The following PHACTR2 variants were observed in gnomAD, a reference collection of about 807,000 sequenced individuals.
PHACTR2 encodes the protein phosphatase and actin regulator 2.
A neutral mutation model predicts 76.0 loss-of-function variants in PHACTR2; 30 were observed. The ratio of observed to expected loss-of-function variants is 0.39; its 90% CI spans 0.30 to 0.54. PHACTR2 has a LOEUF of 0.54. Among genes scored for constraint, PHACTR2 ranks in the 20% least tolerant of loss-of-function variants. The pLI, the probability that PHACTR2 is intolerant of heterozygous loss-of-function variation, is 0.61. For missense variants in PHACTR2, 696 were observed against 781.1 expected, an observed-to-expected ratio of 0.89 and a Z score of 1.30; for synonymous variants, 292 against 292.5, an observed-to-expected ratio of 1.00 and a Z score of 0.02.
rs967544600 is a variant in PHACTR2, at chr6:143,671,947, CAT to C, written c.14-40066_14-40065del. Among the ~76,000 whole-genome samples the C allele has an allele frequency of 1.3e-5, 2 of 150,950 alleles. No individual in the cohort carries two copies. The highest frequency in any genetic ancestry group is 4.8e-5 in the African/African-American group (2 of 41,332). On this transcript the variant is annotated intron_variant, in intron 1 of 11. Transcript: ENST00000305766. The surrounding 1 kb of genome is among the most constrained non-coding windows in gnomAD (Gnocchi z 4.6). ...GAGCAACATGGATGAATATCAAAAA[CAT>C]ATGAAACAAGCCAGATTAAAAAAAA...
Position 143,617,687 on chromosome 6 carries a change from ATC to A in PHACTR2, c.13+9367_13+9368del, listed in dbSNP as rs1776078730. ...AGCTGAGATTTTGTGCTTGGGAATTATCTGCTTCCAGGTGAGATGTGAGGCTG... is the reference window on the plus strand; with the variant it reads ...AGCTGAGATTTTGTGCTTGGGAATTATGCTTCCAGGTGAGATGTGAGGCTG... On this transcript the variant is annotated intron_variant, in intron 1 of 11. Coordinates refer to the PHACTR2 transcript ENST00000305766. This position sits in a 1 kb window ranked among gnomAD's most constrained non-coding sequence, Gnocchi z 4.8. Among the ~76,000 whole-genome samples the A allele has an allele frequency of 6.6e-6, 1 of 152,156 alleles. No individual in the cohort carries two copies. The highest frequency in any genetic ancestry group is 1.5e-5 in the Non-Finnish European group (1 of 68,024).
In PHACTR2 at chr6:143,589,856, A is replaced by G. The variant is rs936451256; in HGVS notation, c.217+52649A>G. ...TATAGAAGATGACGATACACATCCC[A>G]GCTCATTCTAGAACCAGGCAAGGAT... On this transcript the variant is annotated intron_variant, in intron 1 of 11. Transcript: ENST00000367584. The surrounding 1 kb of genome is among the most constrained non-coding windows in gnomAD (Gnocchi z 4.4). Among the ~76,000 whole-genome samples, 1 of 152,248 alleles carries G rather than the reference A, an allele frequency of 6.6e-6. No homozygotes were observed. Among genetic ancestry groups the G allele is most frequent in the Admixed American group, 6.5e-5 (1 of 15,280 alleles).
chr6:143,794,562 G>A lies in PHACTR2; in HGVS notation c.1845+5652G>A, dbSNP rs1477921074. On this transcript the variant is annotated intron_variant, in intron 11 of 12. Coordinates refer to ENST00000440869, the MANE Select transcript of PHACTR2 (RefSeq NM_001100164.2). This position sits in a 1 kb window ranked among gnomAD's most constrained non-coding sequence, Gnocchi z 4.1. The stretch of plus-strand genomic sequence containing the variant: ...TAATCCAAGTGCTTTGAGAGGGTGA[G>A]TTGGGTGGATCACTTGAGGTCAGGA... 6.6e-6 allele frequency among the ~76,000 whole-genome samples: 1 copy of A among 152,126 alleles called. No individual in the cohort carries two copies. The highest frequency in any genetic ancestry group is 1.5e-5 in the Non-Finnish European group (1 of 68,014).
chr6:143,721,568 AT>A (rs898867870), intron 2 of PHACTR2, among the ~76,000 whole-genome samples: 2 of 152,008 alleles, frequency 1.3e-5, no homozygotes, highest in African/African-American at 4.8e-5. Flanking sequence ...CCCAGCTCTA[AT>A]TGTTGAGGAG....
chr6:143,766,875 C>T (rs781344089), intron 6 of PHACTR2, among the ~76,000 whole-genome samples: 11 of 152,330 alleles, frequency 7.2e-5, no homozygotes, highest in Middle Eastern at 3.4e-3. Context: ...GTATAGTAGA[C>T]GCAATGATAA....
intron 1 of PHACTR2, among the ~76,000 whole-genome samples, chr6:143,569,484 C>T (rs1775414439): frequency 6.6e-6 from 1 of 152,220 alleles, no homozygotes; most frequent in Admixed American, 6.5e-5. Flanking sequence ...ATTCTGACTA[C>T]ACATTCCATC....
At chr6:143,575,134 C>A (rs1775490648) in intron 1 of PHACTR2, among the ~76,000 whole-genome samples, 1 of 140,610 alleles carries the variant, frequency 7.1e-6, no homozygotes, top group Non-Finnish European at 1.6e-5. Context: ...CAGTTATTTT[C>A]TTGCATATAT....
chr6:143,718,481 G>T (rs1778352541), intron 2 of PHACTR2, among the ~76,000 whole-genome samples: 1 of 152,188 alleles, frequency 6.6e-6, no homozygotes, highest in Non-Finnish European at 1.5e-5. Context: ...ATCTCTAAAA[G>T]GTGTCTTCCT....
At position 143,710,748 on chromosome 6, in the gene PHACTR2, C is replaced by T. The variant is rs554574084; in HGVS notation, c.47-1268C>T. On this transcript the variant is annotated intron_variant, in intron 1 of 12. Transcript: ENST00000440869. The surrounding 1 kb of genome is among the most constrained non-coding windows in gnomAD (Gnocchi z 4.9). The stretch of plus-strand genomic sequence containing the variant: ...CTTCTTGGAAGCAGAAGTCCTTGCT[C>T]TTCAATTTTTGTTTTTATTTGTTTT... Among the ~76,000 whole-genome samples, 59 of 152,278 alleles carry T rather than the reference C, an allele frequency of 3.9e-4. 1 individual carries two copies. Among genetic ancestry groups the T allele is most frequent in the African/African-American group, 1.3e-3 (54 of 41,550 alleles).
chr6:143,685,823 T>G (rs1777504022), intron 1 of PHACTR2, among the ~76,000 whole-genome samples: 1 of 151,956 alleles, frequency 6.6e-6, no homozygotes, highest in Non-Finnish European at 1.5e-5. Flanking sequence ...TTTGGCAATA[T>G]ATATTAAGTC....
At chr6:143,797,082 A>C (rs1775844346) in intron 11 of PHACTR2, among the ~76,000 whole-genome samples, 1 of 152,204 alleles carries the variant, frequency 6.6e-6, no homozygotes, top group Admixed American at 6.5e-5. Flanking sequence ...TTGTTTCCTG[A>C]CTTTTGAATG....
In PHACTR2 at chr6:143,625,887, A is replaced by T. The variant is rs1426202577; in HGVS notation, c.13+17565A>T. On this transcript the variant is annotated intron_variant, in intron 1 of 11. Coordinates refer to the PHACTR2 transcript ENST00000305766. This position sits in a 1 kb window ranked among gnomAD's most constrained non-coding sequence, Gnocchi z 4.3. ...TGGTAAGAACCATGAAGAAAGGTAA[A>T]GCAGAGTGGTGGGGCAGGGACAACT... Among the ~76,000 whole-genome samples the T allele has an allele frequency of 6.6e-6, 1 of 152,192 alleles. No homozygotes were observed. Among genetic ancestry groups the T allele is most frequent in the African/African-American group, 2.4e-5 (1 of 41,432 alleles).
chr6:143,544,274 G>T (rs755669467), intron 1 of PHACTR2, among the ~76,000 whole-genome samples: 1 of 138,088 alleles, frequency 7.2e-6, no homozygotes, highest in African/African-American at 3.5e-5. Context: ...AGGCGGGCAG[G>T]CTCCCATATC....
chr6:143,802,319 CTCTT>C (rs1775976257), intron 11 of PHACTR2, among the ~76,000 whole-genome samples: 2 of 152,062 alleles, frequency 1.3e-5, no homozygotes, highest in South Asian at 2.1e-4. Context: ...CTCAGCCCAG[CTCTT>C]TCTATCTCAT....
chr6:143,580,977 A>G lies in PHACTR2; in HGVS notation c.217+43770A>G, dbSNP rs768078457. ...TTTCTGGCAACACAGCAGACCAGAT[A>G]TCCTATAAAAGTCTTCCATTACAGA... On this transcript the variant is annotated intron_variant, in intron 1 of 11. Coordinates refer to the PHACTR2 transcript ENST00000367584. The surrounding 1 kb of genome is among the most constrained non-coding windows in gnomAD (Gnocchi z 4.2). Among the ~76,000 whole-genome samples the G allele has an allele frequency of 1.2e-4, 19 of 152,330 alleles. No individual in the cohort carries two copies. The highest frequency in any genetic ancestry group is 4.6e-4 in the Admixed American group (7 of 15,304).
At position 143,801,833 on chromosome 6, in the gene PHACTR2, G is replaced by T. The variant is rs1162152673; in HGVS notation, c.1846-5224G>T. Among the ~76,000 whole-genome samples, 1 of 152,140 alleles carries T rather than the reference G, an allele frequency of 6.6e-6. No individual in the cohort carries two copies. The highest frequency in any genetic ancestry group is 2.4e-5 in the African/African-American group (1 of 41,436). On this transcript the variant is annotated intron_variant, in intron 11 of 12. Transcript: ENST00000440869. The surrounding 1 kb of genome is among the most constrained non-coding windows in gnomAD (Gnocchi z 4.6). ...GCCTTGGTTTCTCCCCATCTTTGTG[G>T]TTTTATTTACCTTTGGTCTTTGATG...
At position 143,618,825 on chromosome 6, in the gene PHACTR2, C is replaced by A. The variant is rs1776102837; in HGVS notation, c.13+10503C>A. Among the ~76,000 whole-genome samples, 1 of 152,130 alleles carries A rather than the reference C, an allele frequency of 6.6e-6. No homozygotes were observed. Among genetic ancestry groups the A allele is most frequent in the African/African-American group, 2.4e-5 (1 of 41,428 alleles). ...ACTCCTCTCCTCTCCTCCCCGAAAA[C>A]TCTCTTCTACCCCTGTTGGAACACG... On this transcript the variant is annotated intron_variant, in intron 1 of 11. Transcript: ENST00000305766. The surrounding 1 kb of genome is among the most constrained non-coding windows in gnomAD (Gnocchi z 5.2).
chr6:143,810,173 T>C (rs1776146547), intron 12 of PHACTR2, among the ~76,000 whole-genome samples: 1 of 152,214 alleles, frequency 6.6e-6, no homozygotes, highest in African/African-American at 2.4e-5. Context: ...TGACATTTCA[T>C]AGATAATATG....
Position 143,783,630 on chromosome 6 carries a change from A to G in PHACTR2, c.1707+350A>G, listed in dbSNP as rs1261560743. ...TGAGACCCTGTCTCAAAAAAATGAA[A>G]TAAAATAAAATAAAACAAATCAATA... On this transcript the variant is annotated intron_variant, in intron 10 of 12. Transcript: ENST00000440869. This position sits in a 1 kb window ranked among gnomAD's most constrained non-coding sequence, Gnocchi z 5.2. Among the ~76,000 whole-genome samples the G allele has an allele frequency of 6.6e-6, 1 of 152,202 alleles. No individual in the cohort carries two copies. The highest frequency in any genetic ancestry group is 1.5e-5 in the Non-Finnish European group (1 of 68,042).
Sources: allele counts gnomAD v4.1 joint callset (sites outside exome capture counted in the v4.1 genomes callset), GRCh38; gene constraint gnomAD v4.1.1; non-coding constraint Gnocchi (gnomAD v3.1); transcripts MANE v1.5; gene names NCBI Gene and HGNC (gene_info 2026-07-23, HGNC 2026-07-21).